The following AMZ1 variants were observed in gnomAD, a reference collection of about 807,000 sequenced individuals.
AMZ1 encodes the protein archaemetzincin-1.
A neutral mutation model predicts 29.9 loss-of-function variants in AMZ1; 39 were observed. The ratio of observed to expected loss-of-function variants is 1.30; its 90% CI spans 1.01 to 1.70. AMZ1 has a LOEUF of 1.70. Among genes scored for constraint, AMZ1 ranks in the 40% most tolerant of loss-of-function variants. AMZ1 has a pLI of 0.00. For synonymous variants in AMZ1, 458 were observed against 304.0 expected (o/e 1.51, Z -5.27); for missense variants, 1,041 against 680.6 (o/e 1.53, Z -5.89).
chr7:2,745,700 C>T (rs1790731538), intron 4 of AMZ1, among the ~76,000 whole-genome samples: 1 of 152,206 alleles, frequency 6.6e-6, no homozygotes. Context: ...GGGCTAAATG[C>T]TCCAATTAAA....
At chr7:2,711,845 A>C (rs1583178727) in intron 6 of AMZ1, among the ~76,000 whole-genome samples, 1 of 152,166 alleles carries the variant, frequency 6.6e-6, no homozygotes, top group East Asian at 1.9e-4. Context: ...GGAGTTTGAG[A>C]CCAGCCTGGC....
chr7:2,728,429 C>G (rs575565968), intron 4 of AMZ1: 2 of 152,286 alleles, frequency 1.3e-5, no homozygotes, highest in South Asian at 2.1e-4. Flanking sequence ...CTAGAGATCT[C>G]TATAAATTAC....
chr7:2,723,009 CAA>C (rs1562384074), downstream of AMZ1, among the ~76,000 whole-genome samples: 1 of 148,732 alleles, frequency 6.7e-6, no homozygotes, highest in African/African-American at 2.4e-5. Flanking sequence ...TAAAATAAAA[CAA>C]AATAAAAATC....
upstream of AMZ1, among the ~76,000 whole-genome samples, chr7:2,684,835 G>A (rs759593688): frequency 3.3e-5 from 5 of 151,884 alleles, no homozygotes; most frequent in Non-Finnish European, 5.9e-5. Flanking sequence ...CCAACAGACA[G>A]AGGAGGAACT....
rs1295516624 is a variant in AMZ1, at chr7:2,718,058, C to T, written c.*5180C>T. On this transcript the variant is annotated 3_prime_UTR_variant, in exon 7 of 7. Coordinates refer to ENST00000683327, the MANE Select transcript of AMZ1 (RefSeq NM_001384743.1). ...CAGCCAGGCCCGTCCAACCTCCTGC[C>T]CTCTCTGAGAGGGGCCCGAGCTCTC... Among the ~76,000 whole-genome samples, 2 of 152,214 alleles carry T rather than the reference C, an allele frequency of 1.3e-5. No homozygotes were observed. Among genetic ancestry groups the T allele is most frequent in the Non-Finnish European group, 2.9e-5 (2 of 68,032 alleles).
rs771663550 is a variant in AMZ1, at chr7:2,709,631, TC to T, written c.772-3del. 1.2e-5 allele frequency: 19 copies of T among 1,604,518 alleles called. No homozygotes were observed. Among genetic ancestry groups the T allele is most frequent in the Non-Finnish European group, 1.2e-5 (14 of 1,176,202 alleles). ...AGTGAGGCAAGGTGCTTGGTGGCCTTCCCCCCAGGTCACGTGCCACGAGCTC... is the reference window on the plus strand; with the variant it reads ...AGTGAGGCAAGGTGCTTGGTGGCCTTCCCCCAGGTCACGTGCCACGAGCTC... On this transcript the variant is annotated splice_region_variant and splice_polypyrimidine_tract_variant and intron_variant, in intron 5 of 6. Coordinates refer to ENST00000683327, the MANE Select transcript of AMZ1 (RefSeq NM_001384743.1).
chr7:2,742,232 C>CA (rs1790543158), intron 4 of AMZ1, among the ~76,000 whole-genome samples: 1 of 151,984 alleles, frequency 6.6e-6, no homozygotes, highest in African/African-American at 2.4e-5. Flanking sequence ...CCATTTTGGC[C>CA]AGGCTGGTCT....
At chr7:2,756,617 A>T (rs1191207103) in intron 4 of AMZ1, among the ~76,000 whole-genome samples, 1 of 151,950 alleles carries the variant, frequency 6.6e-6, no homozygotes, top group East Asian at 1.9e-4. Context: ...AAACAAACAA[A>T]CAAACAAACA....
In AMZ1 at chr7:2,716,927, GT is replaced by G. The variant is rs1764281641; in HGVS notation, c.*4050del. On this transcript the variant is annotated 3_prime_UTR_variant, in exon 7 of 7. Transcript: ENST00000683327. ...ACGGCAGAGCGGAAGTTGAGGCGCA[GT>G]CTGTTCTTGCTTGAACCCCGAGTTC... is the stretch of plus-strand genomic sequence containing the variant. Among the ~76,000 whole-genome samples the G allele has an allele frequency of 6.6e-6, 1 of 152,246 alleles. No homozygotes were observed. Among genetic ancestry groups the G allele is most frequent in the African/African-American group, 2.4e-5 (1 of 41,470 alleles).
chr7:2,762,327 C>G (rs1180008848), upstream of AMZ1: 1 of 330,222 alleles, frequency 3.0e-6, no homozygotes, highest in Non-Finnish European at 5.5e-6. Flanking sequence ...AGGCGCTGCG[C>G]GACTGCTGCT....
At chr7:2,726,412 G>A (rs1355559968) in intron 4 of AMZ1, among the ~76,000 whole-genome samples, 1 of 152,138 alleles carries the variant, frequency 6.6e-6, no homozygotes, top group Non-Finnish European at 1.5e-5. Context: ...GAACCGCCTG[G>A]GACATGGAGA....
At chr7:2,708,290 C>T (rs1324984008) in intron 3 of AMZ1, among the ~76,000 whole-genome samples, 1 of 152,186 alleles carries the variant, frequency 6.6e-6, no homozygotes, top group Non-Finnish European at 1.5e-5. Context: ...GAGGTGGCTT[C>T]TCCTTCCTGG....
At chr7:2,756,114 G>A (rs1262428284) in intron 4 of AMZ1, among the ~76,000 whole-genome samples, 2 of 152,122 alleles carry the variant, frequency 1.3e-5, no homozygotes, top group Admixed American at 6.5e-5. Flanking sequence ...TGGATCAACC[G>A]AATAGAAATG....
intron 4 of AMZ1, among the ~76,000 whole-genome samples, chr7:2,732,454 G>C (rs1292171196): frequency 2.3e-4 from 35 of 152,186 alleles, no homozygotes; most frequent in Admixed American, 2.3e-3. Context: ...GCCGAGACAG[G>C]AGGATCATTT....
chr7:2,735,361 T>C (rs1427414885), intron 4 of AMZ1, among the ~76,000 whole-genome samples: 1 of 152,206 alleles, frequency 6.6e-6, no homozygotes, highest in Non-Finnish European at 1.5e-5. Flanking sequence ...GAGGCAGTTC[T>C]CCTGCAGGGT....
Position 2,709,776 on chromosome 7 carries a change from TG to T in AMZ1, c.909del (p.Gln304SerfsTer82), listed in dbSNP as rs747269362. 6.2e-7 allele frequency: 1 copy of T among 1,612,110 alleles called. No individual in the cohort carries two copies. Among genetic ancestry groups the T allele is most frequent in the African/African-American group, 1.3e-5 (1 of 75,042 alleles). On this transcript the variant is annotated frameshift_variant, in exon 6 of 7. Coordinates refer to ENST00000683327, the MANE Select transcript of AMZ1 (RefSeq NM_001384743.1). LOFTEE classifies it low-confidence loss of function (END_TRUNC). ...CTCTGTCCCATCTGCCTGAGGAAGC[TG>T]CAGCATGTCCTGGGTTTCAGGCTCA... Reference protein sequence around the residue: ...LDLCPICLRKLQHVLGFRLIE... With the variant: ...LDLCPICLRKXQHVLGFRLIE...
intron 4 of AMZ1, among the ~76,000 whole-genome samples, chr7:2,748,415 T>A (rs997832319): frequency 6.6e-6 from 1 of 152,188 alleles, no homozygotes; most frequent in African/African-American, 2.4e-5. Context: ...GGGGAAAGGA[T>A]TCCCTATTTA....
At chr7:2,753,793 A>G (rs1016135253) in intron 4 of AMZ1, among the ~76,000 whole-genome samples, 26 of 151,896 alleles carry the variant, frequency 1.7e-4, no homozygotes, top group African/African-American at 4.4e-4. Flanking sequence ...CTCCTGTGCC[A>G]TAAGTTTTTG....
intron 1 of AMZ1, among the ~76,000 whole-genome samples, chr7:2,697,924 G>A (rs112550245): frequency 6.6e-6 from 1 of 152,056 alleles, no homozygotes. Flanking sequence ...AAGCCAGTAC[G>A]TTCCTCTGGA....
Sources: gnomAD v4.1 joint callset for allele counts (sites outside exome capture counted in the v4.1 genomes callset) on GRCh38, gnomAD v4.1.1 for gene constraint, MANE v1.5 for transcripts, NCBI Gene and HGNC (gene_info 2026-07-23, HGNC 2026-07-21) for gene names.